CSMD1: variants seen among roughly 807,000 people sequenced by gnomAD.
CSMD1 encodes the protein CUB and sushi domain-containing protein 1.
Under a neutral mutation model 417.5 loss-of-function variants are expected in CSMD1, and 213 were observed. That is an observed-to-expected ratio of 0.51 (90% CI 0.46 to 0.57). The LOEUF (loss-of-function observed/expected upper bound fraction) is 0.57. Among genes scored for constraint, CSMD1 ranks in the 20% least tolerant of loss-of-function variants. CSMD1 has a pLI of 0.00. For synonymous variants in CSMD1, 2,862 were observed against 1,736.8 expected, an observed-to-expected ratio of 1.65 and a Z score of -16.11; for missense variants, 6,923 against 4,529.7, an observed-to-expected ratio of 1.53 and a Z score of -15.17.
chr8:4,526,989 C>G (rs1412271254), intron 2 of CSMD1, among the ~76,000 whole-genome samples: 3 of 152,312 alleles, frequency 2.0e-5, no homozygotes. Context: ...TCCACATCCT[C>G]TTACTTACAA....
At chr8:4,480,187 C>CAA (rs763375040) in intron 2 of CSMD1, among the ~76,000 whole-genome samples, 1,408 of 103,614 alleles carry the variant, frequency 0.014, 22 homozygotes, top group African/African-American at 0.034. Context: ...TGTTATCTCA[C>CAA]AAAAAAAAAA....
intron 1 of CSMD1, among the ~76,000 whole-genome samples, chr8:4,918,809 ATATG>A (rs1315776005): frequency 6.6e-6 from 1 of 152,234 alleles, no homozygotes; most frequent in Non-Finnish European, 1.5e-5. Flanking sequence ...ACACTTGTGA[ATATG>A]TATGTTTGTA....
At chr8:4,325,395 G>A (rs1467390331) in intron 3 of CSMD1, among the ~76,000 whole-genome samples, 4 of 152,126 alleles carry the variant, frequency 2.6e-5, no homozygotes, top group African/African-American at 9.7e-5. Context: ...AAATCCCACT[G>A]TGATCTGCCT....
intron 4 of CSMD1, among the ~76,000 whole-genome samples, chr8:4,030,253 C>G (rs1051715048): frequency 6.6e-6 from 1 of 152,188 alleles, no homozygotes; most frequent in Non-Finnish European, 1.5e-5. Context: ...CCCCACATTT[C>G]CCTCCTGCAC....
chr8:3,742,637 C>G (rs1013592620), intron 6 of CSMD1, among the ~76,000 whole-genome samples: 1 of 152,082 alleles, frequency 6.6e-6, no homozygotes, highest in Non-Finnish European at 1.5e-5. Context: ...TCCTTCTGCT[C>G]GTCCTGAAGG....
rs1160679199 is a variant in CSMD1 at position 3,729,922 on chromosome 8, T to TAAAA, written c.932-21435_932-21432dup. On this transcript the variant is annotated intron_variant, in intron 6 of 69. Coordinates refer to ENST00000635120, the MANE Select transcript of CSMD1 (RefSeq NM_033225.6). ...AGAATTATTATTTGCCAATTCAAAGTAAAAAAAAAAAAAAAAAAAAAAAAA... is the reference window on the plus strand; with the variant it reads ...AGAATTATTATTTGCCAATTCAAAGTAAAAAAAAAAAAAAAAAAAAAAAAAAAAA... Among the ~76,000 whole-genome samples the TAAAA allele has an allele frequency of 3.4e-4, 16 of 47,072 alleles. 3 individuals are homozygous for TAAAA. The highest frequency in any genetic ancestry group is 2.2e-3 in the African/African-American group (16 of 7,326). The allele number at this position is 47,072 out of a possible 152,430, so 30.9% of individuals were successfully genotyped here.
At chr8:3,373,884 T>C (rs990330071) in intron 18 of CSMD1, among the ~76,000 whole-genome samples, 8 of 152,092 alleles carry the variant, frequency 5.3e-5, no homozygotes, top group East Asian at 1.9e-4. Flanking sequence ...GCAGAAATCA[T>C]TGAAGAACAA....
intron 36 of CSMD1, chr8:3,182,974 G>C (rs904082863): frequency 4.0e-5 from 6 of 149,752 alleles, no homozygotes; most frequent in Admixed American, 2.0e-4. Context: ...TAGTTAGGAT[G>C]GTCTCGATCA....
intron 41 of CSMD1, among the ~76,000 whole-genome samples, chr8:3,127,057 T>C (rs897927472): frequency 2.0e-5 from 3 of 152,208 alleles, no homozygotes; most frequent in Non-Finnish European, 4.4e-5. Flanking sequence ...AGTAGATGCC[T>C]GTGATCTGCA....
At chr8:3,251,280 A>G (rs1227394986) in intron 26 of CSMD1, among the ~76,000 whole-genome samples, 3 of 152,210 alleles carry the variant, frequency 2.0e-5, no homozygotes, top group Non-Finnish European at 4.4e-5. Context: ...CTTTCTACAT[A>G]TGGCTAGCCA....
At chr8:4,668,739 A>C (rs1380376563) in intron 1 of CSMD1, among the ~76,000 whole-genome samples, 1 of 151,758 alleles carries the variant, frequency 6.6e-6, no homozygotes, top group Non-Finnish European at 1.5e-5. Flanking sequence ...TTTGCCTACA[A>C]CCTCTCTCTA....
intron 7 of CSMD1, among the ~76,000 whole-genome samples, chr8:3,670,895 T>TATATATGTATATGG (rs1475173817): frequency 0.035 from 3,599 of 103,626 alleles, 144 homozygotes; most frequent in Middle Eastern, 0.096. Flanking sequence ...TATATGTATG[T>TATATATGTATATGG]GATATATATG....
At chr8:3,684,222 CATAATAT>C (rs1438694514) in intron 7 of CSMD1, among the ~76,000 whole-genome samples, 1 of 137,030 alleles carries the variant, frequency 7.3e-6, no homozygotes, top group Non-Finnish European at 1.5e-5. Flanking sequence ...TAATATATAA[CATAATAT>C]ATAATATATA....
At chr8:3,957,735 T>G (rs2740845) in intron 5 of CSMD1, among the ~76,000 whole-genome samples, 17 of 151,400 alleles carry the variant, frequency 1.1e-4, no homozygotes, top group African/African-American at 4.1e-4. Flanking sequence ...GGAAAAGAAA[T>G]GTAGAAAAGA....
At chr8:3,779,850 G>C (rs895726019) in intron 5 of CSMD1, among the ~76,000 whole-genome samples, 83 of 152,242 alleles carry the variant, frequency 5.5e-4, no homozygotes, top group African/African-American at 2.0e-3. Context: ...AGTTGTTTAA[G>C]GTGTTCTTGA....
intron 1 of CSMD1, among the ~76,000 whole-genome samples, chr8:4,720,738 T>G (rs1808997624): frequency 6.6e-6 from 1 of 152,158 alleles, no homozygotes; most frequent in Non-Finnish European, 1.5e-5. Flanking sequence ...TTTTCTTATT[T>G]GGAATATTTA....
intron 2 of CSMD1, among the ~76,000 whole-genome samples, chr8:4,435,810 C>T (rs1028641028): frequency 2.0e-5 from 3 of 152,174 alleles, no homozygotes; most frequent in Admixed American, 6.5e-5. Flanking sequence ...GACCGTGTCC[C>T]GAACACCTTC....
chr8:3,337,586 G>A (rs1019024904), intron 23 of CSMD1, among the ~76,000 whole-genome samples: 2 of 152,174 alleles, frequency 1.3e-5, no homozygotes, highest in Admixed American at 1.3e-4. Flanking sequence ...GTCTAATGCT[G>A]ATGTACAGGG....
intron 3 of CSMD1, among the ~76,000 whole-genome samples, chr8:4,362,121 A>T (rs954017454): frequency 4.6e-5 from 7 of 152,214 alleles, no homozygotes; most frequent in Non-Finnish European, 1.0e-4. Context: ...AAATCCAAGT[A>T]CTTTATAAAA....
Sources: gnomAD v4.1 joint callset for allele counts (sites outside exome capture counted in the v4.1 genomes callset) on GRCh38, gnomAD v4.1.1 for gene constraint, MANE v1.5 for transcripts, NCBI Gene and HGNC (gene_info 2026-07-23, HGNC 2026-07-21) for gene names.